UMOD: variants seen among roughly 807,000 people sequenced by gnomAD.
The protein encoded by UMOD is Tamm-Horsfall urinary glycoprotein.
UMOD carries 64 observed loss-of-function variants against 66.0 expected under a neutral mutation model. The observed-to-expected ratio is 0.97, with a 90% CI of 0.79 to 1.19. UMOD has a LOEUF of 1.19. UMOD is among the 50% of genes most tolerant of loss of function. The pLI is 0.00. For synonymous variants in UMOD, 398 were observed against 352.7 expected (o/e 1.13, Z -1.44); for missense variants, 764 against 850.9 (o/e 0.90, Z 1.27).
chr16:20,333,424 G>A (rs1484747827), intron 10 of UMOD, 49 bp from the exon 11 acceptor site: 4 of 1,560,574 alleles, frequency 2.6e-6, no homozygotes, highest in Non-Finnish European at 2.6e-6. Context: ...CTGTACTTTT[G>A]TGCAAATTAA....
chr16:20,354,521 T>A (rs184444928), upstream of UMOD, among the ~76,000 whole-genome samples: 1 of 152,270 alleles, frequency 6.6e-6, no homozygotes, highest in Admixed American at 6.5e-5. Flanking sequence ...TATCTCTTCA[T>A]TTATTTACTT....
chr16:20,343,599 C>T (rs1273736274), intron 6 of UMOD, among the ~76,000 whole-genome samples: 1 of 152,198 alleles, frequency 6.6e-6, no homozygotes, highest in Admixed American at 6.5e-5. Context: ...ATTCACATCA[C>T]AATCATAGCT....
chr16:20,333,374 C>G lies in UMOD; in HGVS notation c.1863G>C (p.Gly621=), dbSNP rs1369637594. ...GCAGAGGCAGCCAGACTTTCAGGAG[C>G]CCTGAAAAGAAAACAGTGACAGGGC... ...ATVSRAFSSL[G]LLKVWLPLLL... The change falls in exon 11 of 11, where the codon GGG becomes GGC. Residue 621 remains glycine (G), a splice_region_variant and synonymous_variant. Coordinates refer to ENST00000396138, the MANE Select transcript of UMOD (RefSeq NM_003361.4). The G allele has an allele frequency of 6.2e-7, 1 of 1,611,834 alleles. No individual in the cohort carries two copies. The highest frequency in any genetic ancestry group is 1.1e-5 in the South Asian group (1 of 90,594).
At position 20,337,371 on chromosome 16, in the gene UMOD, G is replaced by A. The variant is rs752594445; in HGVS notation, c.1660C>T (p.Arg554Trp). 20 of 1,614,050 alleles carry A rather than the reference G, an allele frequency of 1.2e-5. No homozygotes were observed. Among genetic ancestry groups the A allele is most frequent in the African/African-American group, 2.7e-5 (2 of 74,916 alleles). The change falls in exon 8 of 11, where the codon CGG (arginine) becomes TGG (tryptophan). Residue 554 changes from arginine (R) to tryptophan (W), a missense_variant. Physicochemically the swap from Arg to Trp is moderately radical, Grantham distance 101 (BLOSUM62 -3). Coordinates refer to ENST00000396138, the MANE Select transcript of UMOD (RefSeq NM_003361.4). ...SQGRFSVQMF[R>W]FAGNYDLVYL... ...ACTAGGTCATAGTTTCCAGCAAACC[G>A]GAACATCTGGACGGAAAATCGGCCC...
chr16:20,348,769 G>T lies in UMOD; in HGVS notation c.532C>A (p.Arg178Ser). 1.3e-6 allele frequency: 2 copies of T among 1,543,668 alleles called. No homozygotes were observed. Among genetic ancestry groups the T allele is most frequent in the East Asian group, 2.4e-5 (1 of 40,850 alleles). Residue 178 changes from arginine (R) to serine (S), a missense_variant, in exon 3 of 11, where the codon CGC becomes AGC. Transcript: ENST00000396138. ...LVCADPCQAH[R>S]TLDEYWRSTE... Reference sequence around the variant, plus strand: ...CTGCGCCAGTACTCGTCCAGGGTGCGGTGCGCCTGGCACGGATCCGCGCAC... The same window carrying T: ...CTGCGCCAGTACTCGTCCAGGGTGCTGTGCGCCTGGCACGGATCCGCGCAC...
chr16:20,348,224 A>C lies in UMOD; in HGVS notation c.972T>G (p.Thr324=). 6.2e-7 allele frequency: 1 copy of C among 1,613,828 alleles called. No homozygotes were observed. ...CCGCTTCCTCCCCACTGGCCTCACC[A>C]GTGATGTTGAAGTCCTGTTTGCACT... is the stretch of plus-strand genomic sequence containing the variant. ...HCQCKQDFNI[T]DISLLEHRLE... is the part of the protein sequence containing the mutation. Residue 324 remains threonine, a splice_region_variant and synonymous_variant, in exon 4 of 11, where the codon ACT becomes ACG. Transcript: ENST00000396138.
Position 20,344,012 on chromosome 16 carries a change from C to G in UMOD, c.1331+12G>C. 1.9e-6 allele frequency: 3 copies of G among 1,613,360 alleles called. No homozygotes were observed. Among genetic ancestry groups the G allele is most frequent in the Non-Finnish European group, 2.5e-6 (3 of 1,180,000 alleles). ...ACCATCTAGGGGCCCTAGGGACCCTCTCTGGCCACACCTGACCATTGGCTG... is the reference window on the plus strand; with the variant it reads ...ACCATCTAGGGGCCCTAGGGACCCTGTCTGGCCACACCTGACCATTGGCTG... On this transcript the variant is annotated intron_variant, in intron 6 of 10. Coordinates refer to ENST00000396138, the MANE Select transcript of UMOD (RefSeq NM_003361.4).
intron 7 of UMOD, 134 bp from the exon 8 acceptor site, chr16:20,337,587 C>T: frequency 9.9e-7 from 1 of 1,007,508 alleles, no homozygotes; most frequent in Non-Finnish European, 1.5e-6. Context: ...CTGTGTACCT[C>T]AATTTCTCCA....
intron 4 of UMOD, 74 bp from the exon 5 acceptor site, chr16:20,346,408 C>A (rs951780721): frequency 6.6e-7 from 1 of 1,509,484 alleles, no homozygotes; most frequent in Admixed American, 1.7e-5. Flanking sequence ...GGGGCCAGGT[C>A]CAGCTGGCTG....
upstream of UMOD, among the ~76,000 whole-genome samples, chr16:20,353,147 A>G (rs1965968299): frequency 6.6e-6 from 1 of 152,146 alleles, no homozygotes; most frequent in African/African-American, 2.4e-5. Flanking sequence ...TGGGAGGTGC[A>G]CCTGTCTTGG....
intron 2 of UMOD, chr16:20,349,980 C>G (rs1356972665): frequency 8.1e-7 from 1 of 1,231,746 alleles, no homozygotes; most frequent in Non-Finnish European, 1.1e-6. Flanking sequence ...TTGTTGAATA[C>G]TTCCCAAGGG....
At chr16:20,333,634 C>T (rs1964709092) in intron 10 of UMOD, among the ~76,000 whole-genome samples, 1 of 152,236 alleles carries the variant, frequency 6.6e-6, no homozygotes, top group South Asian at 2.1e-4. Flanking sequence ...ATCTATCCAA[C>T]CATCCTTAGA....
At position 20,333,302 on chromosome 16, in the gene UMOD, TTCCGCTGTCAGTCAC is replaced by T; in HGVS notation, c.1920_*11del. On this transcript the variant is annotated stop_lost and 3_prime_UTR_variant, in exon 11 of 11. Coordinates refer to ENST00000396138, the MANE Select transcript of UMOD (RefSeq NM_003361.4). The stretch of plus-strand genomic sequence containing the variant: ...GATGGCAGCCATGGAGCACAGGGCT[TTCCGCTGTCAGTCAC>T]TGAAAAGTCAGGGTCAAGGTGGCCG... 2.5e-6 allele frequency: 4 copies of T among 1,612,414 alleles called. No individual in the cohort carries two copies. Among genetic ancestry groups the T allele is most frequent in the Non-Finnish European group, 3.4e-6 (4 of 1,179,448 alleles).
In UMOD at chr16:20,348,788, C is replaced by G. The variant is rs1182932328; in HGVS notation, c.513G>C (p.Ala171=). 4 of 1,544,200 alleles carry G rather than the reference C, an allele frequency of 2.6e-6. No homozygotes were observed. The South Asian group carries it at 4.8e-5, about 18-fold the overall frequency. ...CVPEGDALVC[A]DPCQAHRTLD... is the part of the protein sequence containing the mutation. ...GGGTGCGGTGCGCCTGGCACGGATC[C>G]GCGCACACGAGCGCGTCGCCCTCGG... The change falls in exon 3 of 11, where the codon GCG becomes GCC. Residue 171 remains alanine (A), a synonymous_variant. Transcript: ENST00000396138.
chr16:20,355,540 G>A (rs548726751), upstream of UMOD, among the ~76,000 whole-genome samples: 143 of 151,438 alleles, frequency 9.4e-4, no homozygotes, highest in African/African-American at 3.3e-3. Context: ...TCAGCCTCCC[G>A]AGTAGCTGGG....
chr16:20,336,850 G>A lies in UMOD; in HGVS notation c.1741-123C>T, dbSNP rs868521125. The A allele has an allele frequency of 4.8e-6, 4 of 829,634 alleles. No individual in the cohort carries two copies. In the South Asian group the frequency reaches 5.8e-5, roughly 12 times the overall value. The allele number at this position is 829,634 out of a possible 1,614,324, so 51.4% of individuals were successfully genotyped here. ...TTGCCCCAGGCAGAAGTTGTTAGGA[G>A]ACCTGTATACCGGGGCTCGTGCAGG... is the stretch of plus-strand genomic sequence containing the variant. On this transcript the variant is annotated intron_variant, in intron 8 of 10. Coordinates refer to ENST00000396138, the MANE Select transcript of UMOD (RefSeq NM_003361.4).
chr16:20,348,806 GC>G lies in UMOD; in HGVS notation c.494del (p.Gly165AlafsTer79). On this transcript the variant is annotated frameshift_variant, in exon 3 of 11. Coordinates refer to ENST00000396138, the MANE Select transcript of UMOD (RefSeq NM_003361.4). LOFTEE classifies it high-confidence loss of function. ...CGPGLDCVPE[G>X]DALVCADPCQ... ...ACGGATCCGCGCACACGAGCGCGTC[GC>G]CCTCGGGCACGCAGTCCAACCCCGG... 6.5e-7 allele frequency: 1 copy of G among 1,545,092 alleles called. No individual in the cohort carries two copies. The highest frequency in any genetic ancestry group is 8.7e-7 in the Non-Finnish European group (1 of 1,146,440).
chr16:20,349,067 G>C lies in UMOD; in HGVS notation c.234C>G (p.Ser78=). The C allele has an allele frequency of 6.2e-7, 1 of 1,609,996 alleles. No homozygotes were observed. The highest frequency in any genetic ancestry group is 8.5e-7 in the Non-Finnish European group (1 of 1,178,236). Residue 78 remains serine, a synonymous_variant, in exon 3 of 11, where the codon TCC becomes TCG. Transcript: ENST00000396138. ...ECAIPGAHNC[S]ANSSCVNTPG... The stretch of plus-strand genomic sequence containing the variant: ...GCGTGTTTACGCAGCTGCTGTTGGC[G>C]GAGCAGTTGTGAGCTCCAGGAATGG...
chr16:20,336,689 T>A lies in UMOD; in HGVS notation c.1779A>T (p.Ile593=). ...SGTRFRSGSV[I]DQSRVLNLGP... Reference sequence around the variant, plus strand: ...CCAAGTTCAGGACACGGGATTGATCTATGACACTCCCACTTCGGAATCTGG... The same window carrying A: ...CCAAGTTCAGGACACGGGATTGATCAATGACACTCCCACTTCGGAATCTGG... Residue 593 remains isoleucine, a synonymous_variant, in exon 9 of 11, where the codon ATA becomes ATT. Coordinates refer to ENST00000396138, the MANE Select transcript of UMOD (RefSeq NM_003361.4). The A allele has an allele frequency of 6.2e-7, 1 of 1,614,158 alleles. No homozygotes were observed. Among genetic ancestry groups the A allele is most frequent in the Non-Finnish European group, 8.5e-7 (1 of 1,179,990 alleles).
Sources: allele counts gnomAD v4.1 joint callset (sites outside exome capture counted in the v4.1 genomes callset), GRCh38; gene constraint gnomAD v4.1.1; transcripts MANE v1.5; gene names NCBI Gene and HGNC (gene_info 2026-07-23, HGNC 2026-07-21).